Variants in EPCIP observed in about 807,000 individuals in gnomAD.
The protein encoded by EPCIP is exosomal polycystin-1-interacting protein.
At chr21:32,809,289 T>TTTCC in the EPCIP span, among the ~76,000 whole-genome samples, 3 of 118,560 alleles carry the variant, frequency 2.5e-5, no homozygotes, top group African/African-American at 9.3e-5. Context: ...CCTTTCTTTC[T>TTTCC]TTCTTTCTTT....
At chr21:32,808,437 T>C in the EPCIP span, among the ~76,000 whole-genome samples, 1 of 152,264 alleles carries the variant, frequency 6.6e-6, no homozygotes. Context: ...CCTTAAGATG[T>C]AAGCCTTGGG....
the EPCIP span, among the ~76,000 whole-genome samples, chr21:32,811,256 G>A: frequency 3.3e-4 from 50 of 151,514 alleles, no homozygotes; most frequent in African/African-American, 1.1e-3. Context: ...TCAACCTCCC[G>A]AGTAGTTGGC....
At chr21:32,809,279 C>CCTTTCTTT in the EPCIP span, among the ~76,000 whole-genome samples, 3,115 of 79,954 alleles carry the variant, frequency 0.039, 116 homozygotes, top group African/African-American at 0.051. Flanking sequence ...CTCCCTCCTT[C>CCTTTCTTT]CTTTCTTTCT....
At chr21:32,798,244 G>A in the EPCIP span, 1 of 152,268 alleles carries the variant, frequency 6.6e-6, no homozygotes, top group East Asian at 1.9e-4. Context: ...GAAGCAGAAG[G>A]ATCACTTGAG....
At chr21:32,810,607 G>A in the EPCIP span, 1 of 471,266 alleles carries the variant, frequency 2.1e-6, no homozygotes. Context: ...CTCAGTGCAT[G>A]GCTGTCTTCT....
the EPCIP span, among the ~76,000 whole-genome samples, chr21:32,803,123 C>T: frequency 6.6e-6 from 1 of 152,190 alleles, no homozygotes; most frequent in Non-Finnish European, 1.5e-5. Flanking sequence ...CTCCGATCCC[C>T]AGTTCCCCTT....
the EPCIP span, among the ~76,000 whole-genome samples, chr21:32,805,891 TG>T: frequency 6.6e-6 from 1 of 152,188 alleles, no homozygotes; most frequent in African/African-American, 2.4e-5. Flanking sequence ...AGTCACACTA[TG>T]TTGGACCCAG....
chr21:32,804,519 T>C, the EPCIP span, among the ~76,000 whole-genome samples: 1 of 151,988 alleles, frequency 6.6e-6, no homozygotes, highest in Non-Finnish European at 1.5e-5. Context: ...TACATAGTAC[T>C]ATTCATAGAC....
At chr21:32,810,467 T>C in the EPCIP span, 1 of 401,590 alleles carries the variant, frequency 2.5e-6, no homozygotes, top group Non-Finnish European at 5.0e-6. Flanking sequence ...TTCACTGTGT[T>C]AGCTAGGATG....
the EPCIP span, among the ~76,000 whole-genome samples, chr21:32,806,516 C>T: frequency 6.6e-6 from 1 of 152,200 alleles, no homozygotes; most frequent in Non-Finnish European, 1.5e-5. Flanking sequence ...GGACCTGTAT[C>T]TGGTAGGTGG....
chr21:32,809,523 A>T, the EPCIP span, among the ~76,000 whole-genome samples: 1 of 151,454 alleles, frequency 6.6e-6, no homozygotes, highest in Admixed American at 6.6e-5. Flanking sequence ...ATAGGTGCGT[A>T]CCACTGGCTA....
the EPCIP span, among the ~76,000 whole-genome samples, chr21:32,796,519 A>G: frequency 6.6e-6 from 1 of 152,240 alleles, no homozygotes; most frequent in African/African-American, 2.4e-5. Context: ...AAGGCGGTTT[A>G]GAGTGCTTTG....
chr21:32,813,673 A>T, the EPCIP span: 1 of 471,196 alleles, frequency 2.1e-6, no homozygotes, highest in Non-Finnish European at 4.4e-6. Flanking sequence ...CTGGCTTGAC[A>T]GCTGGTTTAA....
At chr21:32,795,977 CT>C in the EPCIP span, among the ~76,000 whole-genome samples, 8 of 141,588 alleles carry the variant, frequency 5.7e-5, no homozygotes, top group African/African-American at 1.8e-4. Context: ...TCCTTCTTTC[CT>C]TCCTTCCCTC....
the EPCIP span, among the ~76,000 whole-genome samples, chr21:32,791,965 C>G: frequency 6.7e-6 from 1 of 150,056 alleles, no homozygotes; most frequent in Non-Finnish European, 1.5e-5. Context: ...AGTGCAGTGG[C>G]GCAATCTTGG....
chr21:32,809,277 T>TCCCTCCCTCCC, the EPCIP span, among the ~76,000 whole-genome samples: 1 of 112,072 alleles, frequency 8.9e-6, no homozygotes, highest in East Asian at 3.0e-4. Context: ...CCCTCCCTCC[T>TCCCTCCCTCCC]TCCTTTCTTT....
At chr21:32,793,811 GT>G in the EPCIP span, 1 of 1,614,074 alleles carries the variant, frequency 6.2e-7, no homozygotes, top group African/African-American at 1.3e-5. Context: ...CATTGGGAAG[GT>G]TCTAAAGTAA....
the EPCIP span, among the ~76,000 whole-genome samples, chr21:32,800,224 G>A: frequency 2.6e-5 from 4 of 152,156 alleles, no homozygotes. Flanking sequence ...AACTAGTCAA[G>A]TTTGAAACAT....
chr21:32,809,973 T>G, the EPCIP span, among the ~76,000 whole-genome samples: 1 of 152,136 alleles, frequency 6.6e-6, no homozygotes, highest in Non-Finnish European at 1.5e-5. Context: ...TCGTGTTAGA[T>G]TTTTAAGCCA....
Sources: gnomAD v4.1 joint callset for allele counts (sites outside exome capture counted in the v4.1 genomes callset) on GRCh38, gnomAD v4.1.1 for gene constraint, MANE v1.5 for transcripts, NCBI Gene and HGNC (gene_info 2026-07-23, HGNC 2026-07-21) for gene names.